Variants in CWC27 observed in about 807,000 individuals in gnomAD.
CWC27 encodes spliceosome-associated protein CWC27 homolog.
Under a neutral mutation model 63.6 loss-of-function variants are expected in CWC27, and 47 were observed. The ratio of observed to expected loss-of-function variants is 0.74; its 90% CI spans 0.58 to 0.94. The LOEUF (loss-of-function observed/expected upper bound fraction) is 0.94, where lower values mean the gene tolerates loss of function less well. CWC27 is among the 40% of genes least tolerant of loss of function. CWC27 has a pLI of 0.00. For missense variants in CWC27, 495 were observed against 554.3 expected, an observed-to-expected ratio of 0.89 and a Z score of 1.07; for synonymous variants, 175 against 179.8, an observed-to-expected ratio of 0.97 and a Z score of 0.22.
At chr5:64,880,994 C>T (rs992252331) in intron 10 of CWC27, among the ~76,000 whole-genome samples, 2 of 151,410 alleles carry the variant, frequency 1.3e-5, no homozygotes, top group African/African-American at 4.8e-5. Flanking sequence ...TTTTAATTCT[C>T]ATTTGAACAT....
At chr5:64,806,247 GT>G (rs1744664253) in intron 10 of CWC27, among the ~76,000 whole-genome samples, 1 of 152,032 alleles carries the variant, frequency 6.6e-6, no homozygotes, top group African/African-American at 2.4e-5. Context: ...AGAGGAAAAA[GT>G]TATATTCAAG....
intron 11 of CWC27, among the ~76,000 whole-genome samples, chr5:64,916,142 C>A (rs1747883825): frequency 6.6e-6 from 1 of 152,182 alleles, no homozygotes; most frequent in Admixed American, 6.5e-5. Context: ...TCCCGTTCAA[C>A]AATGAAATTA....
intron 10 of CWC27, among the ~76,000 whole-genome samples, chr5:64,819,533 T>A (rs1056387116): frequency 6.6e-6 from 1 of 151,902 alleles, no homozygotes; most frequent in Admixed American, 6.6e-5. Flanking sequence ...AGTGAATAAG[T>A]CACACTAGAT....
At chr5:64,776,717 T>G (rs1743469412) in intron 2 of CWC27, among the ~76,000 whole-genome samples, 1 of 152,136 alleles carries the variant, frequency 6.6e-6, no homozygotes, top group South Asian at 2.1e-4. Context: ...AGTTCTTTGC[T>G]TCTATGATTT....
chr5:64,928,254 C>G (rs1329310876), intron 11 of CWC27, among the ~76,000 whole-genome samples: 1 of 151,848 alleles, frequency 6.6e-6, no homozygotes. Flanking sequence ...TCACCATTGA[C>G]TCTTTAAGCT....
At chr5:64,887,863 C>T (rs549801809) in intron 11 of CWC27, among the ~76,000 whole-genome samples, 2 of 152,204 alleles carry the variant, frequency 1.3e-5, no homozygotes, top group African/African-American at 4.8e-5. Context: ...AAAGGAAATA[C>T]AATTCTAAGA....
intron 7 of CWC27, among the ~76,000 whole-genome samples, chr5:64,792,714 G>C (rs1744126513): frequency 2.0e-5 from 3 of 152,038 alleles, no homozygotes. Flanking sequence ...GTCCTGGGCT[G>C]TGAGCTTGTT....
At chr5:64,956,903 T>C (rs899422645) in intron 11 of CWC27, among the ~76,000 whole-genome samples, 4 of 152,076 alleles carry the variant, frequency 2.6e-5, no homozygotes, top group African/African-American at 9.7e-5. Context: ...AATTAAGTAA[T>C]AAAGCATGCA....
At chr5:64,845,938 C>G (rs59077919) in intron 10 of CWC27, among the ~76,000 whole-genome samples, 53,612 of 152,030 alleles carry the variant, frequency 0.35, 9,897 homozygotes, top group East Asian at 0.51. Context: ...ATACAATAAT[C>G]TAGCTGTCAA....
chr5:64,991,041 A>G (rs959101346), intron 13 of CWC27, among the ~76,000 whole-genome samples: 1 of 152,232 alleles, frequency 6.6e-6, no homozygotes. Flanking sequence ...TTACAGTATA[A>G]TATCCCAAGT....
intron 13 of CWC27, among the ~76,000 whole-genome samples, chr5:64,984,324 G>A (rs111669480): frequency 3.9e-5 from 6 of 152,264 alleles, no homozygotes; most frequent in South Asian, 2.1e-4. Context: ...TCATAGTACC[G>A]TATCCAGTGC....
At chr5:64,939,362 CAGTT>C (rs1056919039) in intron 11 of CWC27, among the ~76,000 whole-genome samples, 11 of 152,298 alleles carry the variant, frequency 7.2e-5, no homozygotes, top group Non-Finnish European at 1.2e-4. Context: ...TTCCTTCTGA[CAGTT>C]AGGCCCCTCT....
chr5:64,968,200 C>T (rs1241702112), intron 11 of CWC27, among the ~76,000 whole-genome samples: 2 of 151,998 alleles, frequency 1.3e-5, no homozygotes, highest in Non-Finnish European at 2.9e-5. Flanking sequence ...ATTTCACGCT[C>T]TCTAAAATAT....
In CWC27 at chr5:64,939,340, T is replaced by C. The variant is rs1343451044; in HGVS notation, c.1043-32363T>C. Among the ~76,000 whole-genome samples, 5 of 152,332 alleles carry C rather than the reference T, an allele frequency of 3.3e-5. No individual in the cohort carries two copies. The South Asian group carries it at 8.3e-4, about 25-fold the overall frequency. ...TATTGATATTGATGCTATTCCTTTC[T>C]GTTTGTTAGTTTTCCTTCTGACAGT... On this transcript the variant is annotated intron_variant, in intron 11 of 13. Coordinates refer to ENST00000381070, the MANE Select transcript of CWC27 (RefSeq NM_005869.4).
chr5:64,885,683 T>G, intron 11 of CWC27, 137 bp downstream of exon 11: 1 of 503,340 alleles, frequency 2.0e-6, no homozygotes, highest in Admixed American at 3.3e-5. Flanking sequence ...TTTCTTTCCC[T>G]CCCTCTTGAG....
intron 10 of CWC27, among the ~76,000 whole-genome samples, chr5:64,828,659 GT>G (rs1293192285): frequency 6.6e-6 from 1 of 151,942 alleles, no homozygotes; most frequent in Admixed American, 6.6e-5. Context: ...ATAGTACCCA[GT>G]TTCCTTATTT....
At chr5:64,807,536 C>G in intron 10 of CWC27, 1 of 1,458,600 alleles carries the variant, frequency 6.9e-7, no homozygotes, top group Non-Finnish European at 9.0e-7. Context: ...TTCTGACTTC[C>G]TAGGATTTCT....
intron 1 of CWC27, among the ~76,000 whole-genome samples, chr5:64,771,392 T>C (rs780938972): frequency 2.0e-5 from 3 of 152,212 alleles, no homozygotes; most frequent in Non-Finnish European, 4.4e-5. Context: ...TGGGAAGTAA[T>C]TGATACATGA....
At chr5:64,865,815 C>A (rs906479691) in intron 10 of CWC27, among the ~76,000 whole-genome samples, 3 of 151,946 alleles carry the variant, frequency 2.0e-5, no homozygotes, top group Non-Finnish European at 1.5e-5. Flanking sequence ...ATGAATCTGT[C>A]TAGTCATATA....
Sources: allele counts gnomAD v4.1 joint callset (sites outside exome capture counted in the v4.1 genomes callset), GRCh38; gene constraint gnomAD v4.1.1; transcripts MANE v1.5; gene names NCBI Gene and HGNC (gene_info 2026-07-23, HGNC 2026-07-21).